CMTM8: variants seen among roughly 807,000 people sequenced by gnomAD.
CMTM8 encodes CKLF-like MARVEL transmembrane domain-containing protein 8.
CMTM8 carries 12 observed loss-of-function variants against 18.6 expected under a neutral mutation model. The observed-to-expected ratio is 0.65, with a 90% confidence interval of 0.41 to 1.05. The LOEUF (loss-of-function observed/expected upper bound fraction) is 1.05, where lower values mean the gene tolerates loss of function less well. CMTM8 is among the 50% of genes least tolerant of loss of function. CMTM8 has a pLI of 0.00. For synonymous variants in CMTM8, 87 were observed against 90.6 expected, an observed-to-expected ratio of 0.96 and a Z score of 0.23; for missense variants, 217 against 227.2, an observed-to-expected ratio of 0.95 and a Z score of 0.29.
intron 2 of CMTM8, among the ~76,000 whole-genome samples, chr3:32,364,369 T>C (rs558878161): frequency 6.6e-6 from 1 of 152,176 alleles, no homozygotes; most frequent in African/African-American, 2.4e-5. Context: ...CCAGGCGTGG[T>C]AGCATGCGCC....
intron 1 of CMTM8, among the ~76,000 whole-genome samples, chr3:32,273,068 G>T (rs192998185): frequency 4.0e-4 from 61 of 151,778 alleles, no homozygotes; most frequent in Middle Eastern, 3.4e-3. Flanking sequence ...CACCTATAAG[G>T]ATGGGTATAA....
intron 1 of CMTM8, among the ~76,000 whole-genome samples, chr3:32,301,264 T>C (rs978826462): frequency 3.3e-5 from 5 of 152,130 alleles, no homozygotes; most frequent in African/African-American, 1.2e-4. Flanking sequence ...GCTTTGTCAT[T>C]CTGCTTAAGT....
At chr3:32,259,913 G>A (rs770454455) in intron 1 of CMTM8, 1 of 1,073,486 alleles carries the variant, frequency 9.3e-7, no homozygotes, top group Admixed American at 1.9e-5. Flanking sequence ...CAGCCTGAGG[G>A]AGGTGGAGGC....
rs558990797 is a variant in CMTM8 at position 32,313,710 on chromosome 3, G to A, written c.148-43663G>A. Among the ~76,000 whole-genome samples the A allele has an allele frequency of 3.9e-5, 6 of 152,254 alleles. No individual in the cohort carries two copies. In the South Asian group the frequency reaches 1.2e-3, roughly 32 times the overall value. ...GGGGGTTTAGTGCTCTGGAATCCGT[G>A]TTTAGCAAGTTACAGGTAACTGATA... On this transcript the variant is annotated intron_variant, in intron 1 of 3. Coordinates refer to ENST00000307526, the MANE Select transcript of CMTM8 (RefSeq NM_178868.5).
At chr3:32,298,870 TACAC>T (rs1242215585) in intron 1 of CMTM8, among the ~76,000 whole-genome samples, 1 of 145,190 alleles carries the variant, frequency 6.9e-6, no homozygotes, top group Non-Finnish European at 1.5e-5. Context: ...CACATATATA[TACAC>T]ACACATACAT....
intron 1 of CMTM8, among the ~76,000 whole-genome samples, chr3:32,271,252 G>A (rs2125543776): frequency 6.6e-6 from 1 of 152,262 alleles, no homozygotes; most frequent in Non-Finnish European, 1.5e-5. Flanking sequence ...TCAGCCTCCT[G>A]AGTAGCTGGG....
Position 32,358,424 on chromosome 3 carries a change from A to G in CMTM8, c.321+878A>G, listed in dbSNP as rs958253839. ...CCAGTGGTACCACATGTGTTTATGT[A>G]TAAAACAGAGCTCTCCAGTGATACT... On this transcript the variant is annotated intron_variant, in intron 2 of 3. Transcript: ENST00000307526. The surrounding 1 kb of genome is among the most constrained non-coding windows in gnomAD (Gnocchi z 4.1). 6.6e-6 allele frequency among the ~76,000 whole-genome samples: 1 copy of G among 152,246 alleles called. No homozygotes were observed. The highest frequency in any genetic ancestry group is 1.5e-5 in the Non-Finnish European group (1 of 68,034).
At chr3:32,281,656 C>G (rs1192875364) in intron 1 of CMTM8, among the ~76,000 whole-genome samples, 2 of 152,076 alleles carry the variant, frequency 1.3e-5, no homozygotes, top group Non-Finnish European at 2.9e-5. Context: ...CCTAATTCCT[C>G]TCATCCCACC....
intron 2 of CMTM8, among the ~76,000 whole-genome samples, chr3:32,365,393 A>T (rs1010137611): frequency 6.6e-6 from 1 of 151,622 alleles, no homozygotes; most frequent in African/African-American, 2.4e-5. Flanking sequence ...CCCTTCCTCC[A>T]AAAAAAGAAG....
At chr3:32,348,505 T>TTC (rs1696643979) in intron 1 of CMTM8, among the ~76,000 whole-genome samples, 1 of 146,738 alleles carries the variant, frequency 6.8e-6, no homozygotes, top group Admixed American at 6.9e-5. Context: ...TTCCCTCCAT[T>TTC]TTCTTCACTC....
At position 32,259,828 on chromosome 3, in the gene CMTM8, G is replaced by A. The variant is rs1263475261; in HGVS notation, c.147+20709G>A. On this transcript the variant is annotated intron_variant, in intron 1 of 3. Coordinates refer to ENST00000307526, the MANE Select transcript of CMTM8 (RefSeq NM_178868.5). The stretch of plus-strand genomic sequence containing the variant: ...TTGGAGCTGCTGAGATGCCACTCAC[G>A]GAGCTGAGACATGCAGTCCAGTCCT... 26 of 818,688 alleles carry A rather than the reference G, an allele frequency of 3.2e-5. No individual in the cohort carries two copies. The Admixed American group carries it at 3.3e-4, about 10-fold the overall frequency. The allele number at this position is 818,688 out of a possible 1,614,324, so 50.7% of individuals were successfully genotyped here.
intron 1 of CMTM8, among the ~76,000 whole-genome samples, chr3:32,326,185 A>G (rs1433118177): frequency 5.9e-5 from 9 of 152,216 alleles, no homozygotes; most frequent in East Asian, 1.9e-4. Flanking sequence ...ACTCGATCGC[A>G]TGACTGGGTC....
chr3:32,315,127 TC>T (rs201922837), intron 1 of CMTM8, among the ~76,000 whole-genome samples: 2,147 of 147,110 alleles, frequency 0.015, 62 homozygotes, highest in African/African-American at 0.049. Flanking sequence ...TTCTTCTTCT[TC>T]TTTTTTTTTT....
At chr3:32,366,608 A>G (rs1332701224) in intron 2 of CMTM8, among the ~76,000 whole-genome samples, 6 of 152,220 alleles carry the variant, frequency 3.9e-5, no homozygotes, top group Non-Finnish European at 7.3e-5. Flanking sequence ...ATGCCCATCA[A>G]TAGGGGAAAA....
At chr3:32,367,792 A>G in intron 2 of CMTM8, 80 bp from the exon 3 acceptor site, 2 of 928,432 alleles carry the variant, frequency 2.2e-6, no homozygotes, top group East Asian at 2.4e-5. Flanking sequence ...CACCAGAGGT[A>G]CAGCCCTCAT....
At chr3:32,282,511 T>C (rs78867757) in intron 1 of CMTM8, among the ~76,000 whole-genome samples, 7,379 of 152,228 alleles carry the variant, frequency 0.048, 701 homozygotes, top group East Asian at 0.44. Context: ...CAGAATGTTA[T>C]CAATTCTTAC....
At chr3:32,263,498 GA>G in intron 1 of CMTM8, among the ~76,000 whole-genome samples, 1 of 152,020 alleles carries the variant, frequency 6.6e-6, no homozygotes, top group Non-Finnish European at 1.5e-5. Flanking sequence ...CAAAGATGGG[GA>G]AAAAAACGAG....
chr3:32,271,881 T>G (rs1702444113), intron 1 of CMTM8, among the ~76,000 whole-genome samples: 1 of 152,204 alleles, frequency 6.6e-6, no homozygotes, highest in Non-Finnish European at 1.5e-5. Context: ...CTTCATAATT[T>G]ATCGTATTTT....
intron 1 of CMTM8, among the ~76,000 whole-genome samples, chr3:32,275,677 T>G (rs1575156031): frequency 8.6e-6 from 1 of 116,754 alleles, no homozygotes; most frequent in Non-Finnish European, 1.7e-5. Context: ...GGGGACAGAG[T>G]CTTGCTGTGT....
Sources: allele counts gnomAD v4.1 joint callset (sites outside exome capture counted in the v4.1 genomes callset), GRCh38; gene constraint gnomAD v4.1.1; non-coding constraint Gnocchi (gnomAD v3.1); transcripts MANE v1.5; gene names NCBI Gene and HGNC (gene_info 2026-07-23, HGNC 2026-07-21).